Variants in CPA4 observed in about 807,000 individuals in gnomAD.
CPA4 encodes the protein carboxypeptidase A3.
A neutral mutation model predicts 54.7 loss-of-function variants in CPA4; 49 were observed. The ratio of observed to expected loss-of-function variants is 0.90; its 90% CI spans 0.71 to 1.14. The LOEUF is 1.14. Ranked by LOEUF, CPA4 falls within the 50% of genes most tolerant of loss-of-function variation. The pLI is 0.00. For missense variants in CPA4, 487 were observed against 525.1 expected, an observed-to-expected ratio of 0.93 and a Z score of 0.71; for synonymous variants, 215 against 206.8, an observed-to-expected ratio of 1.04 and a Z score of -0.34.
At chr7:130,293,299 A>G in intron 1 of CPA4, 51 bp downstream of exon 1, 1 of 1,029,212 alleles carries the variant, frequency 9.7e-7, no homozygotes, top group Non-Finnish European at 1.5e-6. Context: ...TATGGGAGCC[A>G]AATGGAACTG....
intron 10 of CPA4, among the ~76,000 whole-genome samples, chr7:130,312,331 C>A (rs1273664803): frequency 6.6e-6 from 1 of 152,166 alleles, no homozygotes; most frequent in African/African-American, 2.4e-5. Context: ...TCATGCCCAT[C>A]CCTTCATTTT....
chr7:130,304,577 A>G lies in CPA4; in HGVS notation c.484A>G (p.Lys162Glu). ...TGAAAACCGGCCGATGTATGTACTG[A>G]AGGTGAGGCCACATGCACTTGGAAG... ...SFENRPMYVL[K>E]FSTGKGVRRP... is the part of the protein sequence containing the mutation. The change falls in exon 5 of 11, where the codon AAG becomes GAG. Residue 162 changes from lysine to glutamate, a missense_variant and splice_region_variant. Transcript: ENST00000222482. 6.3e-7 allele frequency: 1 copy of G among 1,592,440 alleles called. No homozygotes were observed. The highest frequency in any genetic ancestry group is 1.1e-5 in the South Asian group (1 of 90,700).
chr7:130,298,718 T>C lies in CPA4; in HGVS notation c.69-28T>C, dbSNP rs767081686. On this transcript the variant is annotated intron_variant, in intron 1 of 10. Transcript: ENST00000222482. ...CTGAAAGCTCATCATTATCTTTTGC[T>C]CTTTTTTCCTTTTCGCTTCTTCCCC... is the stretch of plus-strand genomic sequence containing the variant. The C allele has an allele frequency of 2.1e-6, 3 of 1,413,150 alleles. No homozygotes were observed. In the South Asian group the frequency reaches 3.5e-5, roughly 16 times the overall value. 87.5% of individuals were successfully genotyped at this position (1,413,150 alleles called of 1,614,324 possible).
chr7:130,317,741 A>G (rs1794012642), intron 10 of CPA4, among the ~76,000 whole-genome samples: 1 of 152,194 alleles, frequency 6.6e-6, no homozygotes, highest in Admixed American at 6.5e-5. Flanking sequence ...TGCTGGGATT[A>G]CAGGCGTGAG....
At chr7:130,306,611 A>G (rs1408859970) in intron 6 of CPA4, among the ~76,000 whole-genome samples, 176 bp from the exon 7 acceptor site, 1 of 152,186 alleles carries the variant, frequency 6.6e-6, no homozygotes, top group Non-Finnish European at 1.5e-5. Context: ...TGAAGGGCTC[A>G]GAGGGCTTTG....
At chr7:130,311,440 C>T (rs981157950) in intron 9 of CPA4, among the ~76,000 whole-genome samples, 1 of 151,932 alleles carries the variant, frequency 6.6e-6, no homozygotes, top group Non-Finnish European at 1.5e-5. Context: ...CAGGTGGCTG[C>T]CCAGGCTCAC....
At chr7:130,299,691 C>G (rs1584745549) in intron 3 of CPA4, 1 of 335,312 alleles carries the variant, frequency 3.0e-6, no homozygotes, top group East Asian at 5.0e-5. Flanking sequence ...ACCCGCTGAG[C>G]CTCCGTTTCT....
intron 8 of CPA4, 68 bp downstream of exon 8, chr7:130,308,465 A>G (rs112533274): frequency 2.2e-5 from 29 of 1,312,354 alleles, no homozygotes; most frequent in Admixed American, 5.1e-5. Context: ...CAGTGCTCTG[A>G]GCTGGCCGGG....
At position 130,298,824 on chromosome 7, in the gene CPA4, G is replaced by A; in HGVS notation, c.147G>A (p.Leu49=). 6.3e-7 allele frequency: 1 copy of A among 1,592,466 alleles called. No individual in the cohort carries two copies. The highest frequency in any genetic ancestry group is 8.6e-7 in the Non-Finnish European group (1 of 1,160,238). The change falls in exon 2 of 11, where the codon TTG becomes TTA. Residue 49 remains leucine (L), a synonymous_variant. Coordinates refer to ENST00000222482, the MANE Select transcript of CPA4 (RefSeq NM_016352.4). ...GTCAACTAGTGAATTCAAACAACTT[G>A]AAGGTACCTGGTTCTTTTTAGCTCT... ...KLSQLVNSNN[L]KLNFWKSPSS...
chr7:130,311,579 GGC>G, intron 9 of CPA4, among the ~76,000 whole-genome samples: 1 of 145,362 alleles, frequency 6.9e-6, no homozygotes, highest in Non-Finnish European at 1.5e-5. Flanking sequence ...ATCCACCTAT[GGC>G]GGTCCTTCTC....
chr7:130,322,738 T>TTAAAGGAGCTCTTTCC lies in CPA4; in HGVS notation c.*65_*80dup. 1 of 1,503,882 alleles carries TTAAAGGAGCTCTTTCC rather than the reference T, an allele frequency of 6.6e-7. No individual in the cohort carries two copies. Among genetic ancestry groups the TTAAAGGAGCTCTTTCC allele is most frequent in the Non-Finnish European group, 9.0e-7 (1 of 1,108,410 alleles). 93.2% of individuals were successfully genotyped at this position (1,503,882 alleles called of 1,614,324 possible). A position where few individuals can be genotyped will look rare whatever the true frequency, so the allele number is the denominator to read the frequency against. The stretch of plus-strand genomic sequence containing the variant: ...ACACGTGCACGCACTGAGGCCATTG[T>TTAAAGGAGCTCTTTCC]TAAAGGAGCTCTTTCCTACCTGTGT... On this transcript the variant is annotated 3_prime_UTR_variant, in exon 11 of 11. Transcript: ENST00000222482.
chr7:130,317,502 G>T (rs938815244), intron 10 of CPA4, among the ~76,000 whole-genome samples: 1 of 152,126 alleles, frequency 6.6e-6, no homozygotes, highest in Non-Finnish European at 1.5e-5. Context: ...TCACTCTCTG[G>T]TCCAGTCTGG....
At chr7:130,313,889 A>G (rs1450326364) in intron 10 of CPA4, among the ~76,000 whole-genome samples, 2 of 152,250 alleles carry the variant, frequency 1.3e-5, no homozygotes, top group Admixed American at 1.3e-4. Context: ...TGAATTAAAG[A>G]CGGGGTGTTT....
At chr7:130,321,311 G>A (rs549044182) in intron 10 of CPA4, among the ~76,000 whole-genome samples, 7 of 152,228 alleles carry the variant, frequency 4.6e-5, no homozygotes, top group African/African-American at 1.4e-4. Flanking sequence ...AAGCCTTTTG[G>A]CAAAGGTAAG....
At chr7:130,315,443 G>A (rs1329826602) in intron 10 of CPA4, among the ~76,000 whole-genome samples, 1 of 151,984 alleles carries the variant, frequency 6.6e-6, no homozygotes, top group Non-Finnish European at 1.5e-5. Context: ...TTTTTAGAAT[G>A]TTATTCATTT....
intron 1 of CPA4, among the ~76,000 whole-genome samples, chr7:130,298,077 A>G (rs2117132270): frequency 6.6e-6 from 1 of 152,236 alleles, no homozygotes; most frequent in African/African-American, 2.4e-5. Flanking sequence ...CCTCAGCACC[A>G]TGGGCCATAG....
chr7:130,305,837 AGGCGGCCGGCCGTTT>A lies in CPA4; in HGVS notation c.512_526del (p.Arg171_Trp175del). On this transcript the variant is annotated inframe_deletion, in exon 6 of 11. Transcript: ENST00000222482. ...GCAGTTCAGCACTGGGAAAGGCGTGAGGCGGCCGGCCGTTTGGCTGAATGCAGGCATCCATTCCCG... is the reference window on the plus strand; with the variant it reads ...GCAGTTCAGCACTGGGAAAGGCGTGAGGCTGAATGCAGGCATCCATTCCCG... The A allele has an allele frequency of 6.2e-7, 1 of 1,614,170 alleles. No homozygotes were observed. Among genetic ancestry groups the A allele is most frequent in the Non-Finnish European group, 8.5e-7 (1 of 1,180,008 alleles).
intron 2 of CPA4, among the ~76,000 whole-genome samples, chr7:130,299,034 C>G (rs897060878): frequency 2.0e-5 from 3 of 152,210 alleles, no homozygotes; most frequent in African/African-American, 7.2e-5. Flanking sequence ...GATGCTTGAA[C>G]AGTATAGGCT....
chr7:130,322,206 A>C (rs573368143), intron 10 of CPA4, among the ~76,000 whole-genome samples: 3 of 152,100 alleles, frequency 2.0e-5, no homozygotes, highest in Non-Finnish European at 4.4e-5. Context: ...TATACTCTCT[A>C]TAGAGATTGG....
Sources: gnomAD v4.1 joint callset for allele counts (sites outside exome capture counted in the v4.1 genomes callset) on GRCh38, gnomAD v4.1.1 for gene constraint, MANE v1.5 for transcripts, NCBI Gene and HGNC (gene_info 2026-07-23, HGNC 2026-07-21) for gene names.